DSCAML1: variants seen among roughly 807,000 people sequenced by gnomAD.
DSCAML1 encodes cell adhesion molecule DSCAML1.
Under a neutral mutation model 200.5 loss-of-function variants are expected in DSCAML1, and 38 were observed. The observed-to-expected ratio is 0.19, with a 90% CI of 0.15 to 0.25. DSCAML1 has a LOEUF of 0.25. DSCAML1 is among the 10% of genes least tolerant of loss of function. The pLI, the probability that DSCAML1 is intolerant of heterozygous loss-of-function variation, is 1.00. For missense variants in DSCAML1, 2,223 were observed against 2,858.8 expected, an observed-to-expected ratio of 0.78 and a Z score of 5.07; for synonymous variants, 1,215 against 1,165.0, an observed-to-expected ratio of 1.04 and a Z score of -0.87.
intron 17 of DSCAML1, among the ~76,000 whole-genome samples, chr11:117,462,558 C>A (rs77741833): frequency 6.6e-6 from 1 of 152,322 alleles, no homozygotes; most frequent in African/African-American, 2.4e-5. Context: ...CCACAAGAGG[C>A]AACTCTAATT....
chr11:117,717,469 G>GAA (rs2053970697), intron 3 of DSCAML1, among the ~76,000 whole-genome samples: 2 of 152,240 alleles, frequency 1.3e-5, no homozygotes, highest in Admixed American at 6.5e-5. Flanking sequence ...ATCTCAGGCA[G>GAA]GTTCCAACTG....
chr11:117,812,591 C>T (rs1303563441), intron 1 of DSCAML1, among the ~76,000 whole-genome samples: 1 of 152,022 alleles, frequency 6.6e-6, no homozygotes, highest in Non-Finnish European at 1.5e-5. Flanking sequence ...CTGACCCTGA[C>T]ACCCATCAGG....
chr11:117,688,971 A>G (rs1222878035), intron 3 of DSCAML1, among the ~76,000 whole-genome samples: 3 of 152,204 alleles, frequency 2.0e-5, no homozygotes, highest in South Asian at 2.1e-4. Context: ...CACCAGCCCT[A>G]TGCAAAAGGC....
chr11:117,684,526 A>G (rs1177477197), intron 3 of DSCAML1, among the ~76,000 whole-genome samples: 1 of 151,500 alleles, frequency 6.6e-6, no homozygotes, highest in African/African-American at 2.4e-5. Context: ...TAACTCAATT[A>G]TATACAGAGA....
At chr11:117,474,207 G>A (rs2048743234) in intron 14 of DSCAML1, among the ~76,000 whole-genome samples, 2 of 152,058 alleles carry the variant, frequency 1.3e-5, no homozygotes, top group Admixed American at 6.5e-5. Context: ...GGTGACCTTC[G>A]CGGCACCAAA....
At chr11:117,593,637 C>T (rs1218793674) in intron 3 of DSCAML1, among the ~76,000 whole-genome samples, 2 of 152,076 alleles carry the variant, frequency 1.3e-5, no homozygotes, top group Non-Finnish European at 2.9e-5. Flanking sequence ...ACAGAGCCGC[C>T]TGTTTCTGCC....
rs754791160 is a variant in DSCAML1, at chr11:117,432,408, G to A, written c.5123C>T (p.Thr1708Ile). ...GAGGGGTCCTGTGCTCTGGATGAGG[G>A]TTGGGTGGTGCAAGGAGACGCCAGT... is the stretch of plus-strand genomic sequence containing the variant. ...FCTGVSLHHP[T>I]LIQSTGPLID... is the part of the protein sequence containing the mutation. Residue 1708 changes from threonine (T) to isoleucine (I), a missense_variant, in exon 30 of 33, where the codon ACC becomes ATC. This residue lies in a region of DSCAML1 where 614 missense variants were observed against 739.1 expected (regional missense o/e 0.83). Transcript: ENST00000651296. 2.0e-5 allele frequency: 32 copies of A among 1,614,080 alleles called. No homozygotes were observed. Among genetic ancestry groups the A allele is most frequent in the Non-Finnish European group, 2.7e-5 (32 of 1,180,050 alleles).
At chr11:117,468,131 A>C (rs1244554971) in intron 16 of DSCAML1, among the ~76,000 whole-genome samples, 1 of 152,128 alleles carries the variant, frequency 6.6e-6, no homozygotes, top group African/African-American at 2.4e-5. Flanking sequence ...AAACAGCCAC[A>C]GTCAGGATTT....
chr11:117,537,610 G>A (rs1274698640), intron 3 of DSCAML1, among the ~76,000 whole-genome samples: 1 of 152,144 alleles, frequency 6.6e-6, no homozygotes, highest in Non-Finnish European at 1.5e-5. Context: ...CTGGAAATAC[G>A]GTCTTTGCAA....
intron 11 of DSCAML1, 86 bp from the exon 12 acceptor site, chr11:117,482,248 C>T: frequency 2.1e-6 from 3 of 1,461,750 alleles, no homozygotes; most frequent in Non-Finnish European, 2.8e-6. Context: ...AAGCCCCCGC[C>T]CCAGCCCTCC....
At chr11:117,481,625 T>C (rs1257248215) in intron 12 of DSCAML1, among the ~76,000 whole-genome samples, 1 of 52,572 alleles carries the variant, frequency 1.9e-5, no homozygotes. Flanking sequence ...GAGGGGGGAG[T>C]CCAGGAGAGT....
chr11:117,516,725 G>A lies in DSCAML1; in HGVS notation c.1525C>T (p.Arg509Trp). The A allele has an allele frequency of 1.2e-6, 2 of 1,613,006 alleles. No homozygotes were observed. Among genetic ancestry groups the A allele is most frequent in the Non-Finnish European group, 1.7e-6 (2 of 1,179,386 alleles). The change falls in exon 8 of 33, where the codon CGG becomes TGG. Residue 509 changes from arginine to tryptophan, a missense_variant. Around this residue, in one of 7 missense-constraint regions of DSCAML1, gnomAD observed 212 missense variants for 368.0 expected, o/e 0.58. Transcript: ENST00000651296. The surrounding 1 kb of genome is among the most constrained non-coding windows in gnomAD (Gnocchi z 5.7). ...ACTGCTGTGATGTTCCGCATAGCCCGGATGCTGGGTGGGCCTGGGCAGGAG... is the reference window on the plus strand; with the variant it reads ...ACTGCTGTGATGTTCCGCATAGCCCAGATGCTGGGTGGGCCTGGGCAGGAG... ...RINVRGPPSIRAMRNITAVAG... is the reference protein window; with the variant it reads ...RINVRGPPSIWAMRNITAVAG...
At chr11:117,717,321 A>G (rs992447147) in intron 3 of DSCAML1, among the ~76,000 whole-genome samples, 1 of 150,404 alleles carries the variant, frequency 6.6e-6, no homozygotes, top group Non-Finnish European at 1.5e-5. Context: ...CTCGAAGGCC[A>G]CCTCCTTCAT....
chr11:117,709,664 T>G (rs1055835903), intron 3 of DSCAML1: 1 of 455,276 alleles, frequency 2.2e-6, no homozygotes, highest in Non-Finnish European at 4.4e-6. Context: ...CCACCCCAAC[T>G]CCCACCTCCA....
chr11:117,788,281 G>T lies in DSCAML1; in HGVS notation c.47-7471C>A, dbSNP rs147981061. Among the ~76,000 whole-genome samples, 1,203 of 152,192 alleles carry T rather than the reference G, an allele frequency of 7.9e-3. 7 individuals are homozygous for T. The highest frequency in any genetic ancestry group is 0.034 in the South Asian group (163 of 4,808). ...TTCCCCATCACAGTGCCATCTTTTG[G>T]TTTTTTTGGTTTGTTTTGTTGTTGT... On this transcript the variant is annotated intron_variant, in intron 1 of 32. Coordinates refer to ENST00000651296, the MANE Select transcript of DSCAML1 (RefSeq NM_020693.4).
chr11:117,513,729 A>C (rs1447519207), intron 8 of DSCAML1, among the ~76,000 whole-genome samples: 1 of 147,962 alleles, frequency 6.8e-6, no homozygotes, highest in East Asian at 2.0e-4. Context: ...TGACAGAGCA[A>C]GACTCTATCT....
chr11:117,590,347 C>T (rs948576646), intron 3 of DSCAML1, among the ~76,000 whole-genome samples: 1 of 147,998 alleles, frequency 6.8e-6, no homozygotes, highest in Non-Finnish European at 1.5e-5. Flanking sequence ...TGCCACTATG[C>T]CTGGCTTAAA....
chr11:117,643,557 C>T (rs1048309435), intron 3 of DSCAML1, among the ~76,000 whole-genome samples: 1 of 152,124 alleles, frequency 6.6e-6, no homozygotes, highest in Non-Finnish European at 1.5e-5. Flanking sequence ...CCCAGCTCAT[C>T]GAAGGTGAGC....
chr11:117,539,259 C>G (rs1359165490), intron 3 of DSCAML1, among the ~76,000 whole-genome samples: 1 of 152,132 alleles, frequency 6.6e-6, no homozygotes, highest in Non-Finnish European at 1.5e-5. Flanking sequence ...CTGCACCTGG[C>G]AAACCTCTTG....
Sources: allele counts gnomAD v4.1 joint callset (sites outside exome capture counted in the v4.1 genomes callset), GRCh38; gene constraint gnomAD v4.1.1; regional missense constraint gnomAD v4.1.1; non-coding constraint Gnocchi (gnomAD v3.1); transcripts MANE v1.5; gene names NCBI Gene and HGNC (gene_info 2026-07-23, HGNC 2026-07-21).